NEGR1: variants seen among roughly 807,000 people sequenced by gnomAD.
NEGR1 encodes neuronal growth regulator 1.
Under a neutral mutation model 40.9 loss-of-function variants are expected in NEGR1, and 10 were observed. That is an observed-to-expected ratio of 0.24 (90% CI 0.15 to 0.42). NEGR1 has a LOEUF of 0.42. Among genes scored for constraint, NEGR1 ranks in the 10% least tolerant of loss-of-function variants. NEGR1 has a pLI of 1.00. For missense variants in NEGR1, 352 were observed against 438.9 expected (o/e 0.80, Z 1.77); for synonymous variants, 185 against 166.8 (o/e 1.11, Z -0.84).
chr1:71,664,913 T>C (rs2101593855), intron 4 of NEGR1, among the ~76,000 whole-genome samples: 1 of 152,276 alleles, frequency 6.6e-6, no homozygotes, highest in South Asian at 2.1e-4. Context: ...TAACCTTTAA[T>C]AAGAAGGTAT....
At position 71,596,021 on chromosome 1, in the gene NEGR1, C is replaced by T. The variant is rs150760789; in HGVS notation, c.789-3053G>A. Among the ~76,000 whole-genome samples the T allele has an allele frequency of 6.3e-4, 92 of 145,226 alleles. 1 individual carries two copies. Among genetic ancestry groups the T allele is most frequent in the African/African-American group, 2.2e-3 (87 of 39,258 alleles). On this transcript the variant is annotated intron_variant, in intron 5 of 6. Transcript: ENST00000357731. ...GAAATATGCTTTCTTATAGCCCCTG[C>T]CAAACCCTGCCCCTCCCTGCCACAA...
intron 5 of NEGR1, among the ~76,000 whole-genome samples, chr1:71,603,297 G>A (rs929144628): frequency 6.6e-6 from 1 of 152,122 alleles, no homozygotes; most frequent in African/African-American, 2.4e-5. Context: ...GCATATAACT[G>A]CCTACATTGG....
chr1:71,701,274 T>G (rs1459983448), intron 3 of NEGR1, among the ~76,000 whole-genome samples: 1 of 152,030 alleles, frequency 6.6e-6, no homozygotes, highest in Non-Finnish European at 1.5e-5. Flanking sequence ...TTCTTTGTTT[T>G]TCAGGTTGTA....
At chr1:72,066,688 G>A (rs192012042) in intron 1 of NEGR1, among the ~76,000 whole-genome samples, 56 of 152,202 alleles carry the variant, frequency 3.7e-4, no homozygotes, top group East Asian at 1.4e-3. Flanking sequence ...GAATACAGCC[G>A]TCTACAAGCT....
At chr1:71,672,831 G>A (rs1652479395) in intron 4 of NEGR1, among the ~76,000 whole-genome samples, 1 of 152,162 alleles carries the variant, frequency 6.6e-6, no homozygotes, top group Non-Finnish European at 1.5e-5. Flanking sequence ...GAATGAGCTA[G>A]GATGAGAGTA....
At chr1:72,062,460 G>T (rs1226788896) in intron 1 of NEGR1, among the ~76,000 whole-genome samples, 1 of 151,868 alleles carries the variant, frequency 6.6e-6, no homozygotes. Flanking sequence ...CTTTGAAGAG[G>T]AAAAAGACTT....
At chr1:72,125,535 A>T (rs928779483) in intron 1 of NEGR1, among the ~76,000 whole-genome samples, 33 of 152,106 alleles carry the variant, frequency 2.2e-4, no homozygotes, top group Admixed American at 1.6e-3. Context: ...TGTAAATCAC[A>T]TTATTATGAA....
intron 4 of NEGR1, among the ~76,000 whole-genome samples, chr1:71,675,128 C>T (rs373949903): frequency 0.066 from 464 of 6,984 alleles, 1 homozygote; most frequent in East Asian, 0.11. Context: ...TATATATATA[C>T]ACACACACAT....
At chr1:72,022,468 T>G (rs1163615754) in intron 1 of NEGR1, among the ~76,000 whole-genome samples, 1 of 149,452 alleles carries the variant, frequency 6.7e-6, no homozygotes, top group African/African-American at 2.4e-5. Flanking sequence ...TATATCTATT[T>G]ATAAAAAGCA....
rs142402159 is a variant in NEGR1 at position 71,403,860 on chromosome 1, T to C, written c.*3586A>G. Reference sequence around the variant, plus strand: ...AGCTTTTTCCAGTCTTTAAAGTAAATACATATTCAAAGAATCTTAAGGCAT... The same window carrying C: ...AGCTTTTTCCAGTCTTTAAAGTAAACACATATTCAAAGAATCTTAAGGCAT... On this transcript the variant is annotated 3_prime_UTR_variant, in exon 7 of 7. Coordinates refer to ENST00000357731, the MANE Select transcript of NEGR1 (RefSeq NM_173808.3). The C allele has an allele frequency of 2.4e-4, 93 of 383,106 alleles. No homozygotes were observed. Among genetic ancestry groups the C allele is most frequent in the Middle Eastern group, 6.8e-4 (1 of 1,480 alleles). The allele number at this position is 383,106 out of a possible 1,614,324, so 23.7% of individuals were successfully genotyped here. A position where few individuals can be genotyped will look rare whatever the true frequency, so the allele number is the denominator to read the frequency against.
At chr1:72,213,347 A>T (rs1489277791) in intron 1 of NEGR1, among the ~76,000 whole-genome samples, 1 of 151,696 alleles carries the variant, frequency 6.6e-6, no homozygotes, top group East Asian at 1.9e-4. Flanking sequence ...TGCTTAGAAG[A>T]TTTTTTTTGT....
chr1:71,723,539 T>A (rs1654578489), intron 3 of NEGR1, among the ~76,000 whole-genome samples: 1 of 152,104 alleles, frequency 6.6e-6, no homozygotes, highest in Non-Finnish European at 1.5e-5. Flanking sequence ...CCAACAGGGC[T>A]CAGGGAGCTT....
chr1:71,968,774 T>TTTAGTCTCTCA (rs1314301479), intron 1 of NEGR1, among the ~76,000 whole-genome samples: 1 of 152,002 alleles, frequency 6.6e-6, no homozygotes, highest in African/African-American at 2.4e-5. Context: ...ACTAAATCTA[T>TTTAGTCTCTCA]AGGTACTCTA....
chr1:71,768,061 C>T (rs1656192118), intron 3 of NEGR1, among the ~76,000 whole-genome samples: 1 of 152,214 alleles, frequency 6.6e-6, no homozygotes, highest in Non-Finnish European at 1.5e-5. Flanking sequence ...AAGCCCACTA[C>T]AGGGGTGGAA....
At chr1:71,563,722 T>A (rs1648531629) in intron 6 of NEGR1, among the ~76,000 whole-genome samples, 1 of 152,010 alleles carries the variant, frequency 6.6e-6, no homozygotes, top group Admixed American at 6.6e-5. Flanking sequence ...TCACTGGGAA[T>A]CTTGCCTTTC....
At chr1:72,002,487 T>C (rs1646566294) in intron 1 of NEGR1, among the ~76,000 whole-genome samples, 1 of 152,084 alleles carries the variant, frequency 6.6e-6, no homozygotes, top group Non-Finnish European at 1.5e-5. Context: ...AACAGTTCCA[T>C]CCACAATTAT....
intron 1 of NEGR1, among the ~76,000 whole-genome samples, chr1:72,004,457 A>G (rs1165136995): frequency 6.6e-6 from 1 of 152,070 alleles, no homozygotes; most frequent in Non-Finnish European, 1.5e-5. Flanking sequence ...CACCACTCGC[A>G]GCAAATTTTT....
chr1:71,425,555 G>T (rs1646423459), intron 6 of NEGR1, among the ~76,000 whole-genome samples: 1 of 152,032 alleles, frequency 6.6e-6, no homozygotes, highest in Admixed American at 6.6e-5. Flanking sequence ...ATTTCATGCT[G>T]AGCCCTGAAT....
intron 2 of NEGR1, among the ~76,000 whole-genome samples, chr1:71,906,440 A>C (rs546414406): frequency 6.6e-6 from 1 of 151,624 alleles, no homozygotes; most frequent in African/African-American, 2.4e-5. Context: ...AAAAATATAT[A>C]AAGATGAGAA....
Sources: allele counts gnomAD v4.1 joint callset (sites outside exome capture counted in the v4.1 genomes callset), GRCh38; gene constraint gnomAD v4.1.1; transcripts MANE v1.5; gene names NCBI Gene and HGNC (gene_info 2026-07-23, HGNC 2026-07-21).